Variants in SLC4A5 observed in about 807,000 individuals in gnomAD.
SLC4A5 encodes the protein electrogenic sodium bicarbonate cotransporter 4.
Under a neutral mutation model 120.4 loss-of-function variants are expected in SLC4A5, and 96 were observed. The ratio of observed to expected loss-of-function variants is 0.80; its 90% CI spans 0.68 to 0.94. SLC4A5 has a LOEUF of 0.94. Among genes scored for constraint, SLC4A5 ranks in the 40% least tolerant of loss-of-function variants. The pLI is 0.00. For synonymous variants in SLC4A5, 550 were observed against 571.1 expected (o/e 0.96, Z 0.53); for missense variants, 1,259 against 1,459.5 (o/e 0.86, Z 2.24).
At position 74,265,499 on chromosome 2, in the gene SLC4A5, A is replaced by T. The variant is rs150560471; in HGVS notation, c.402-235T>A. Among the ~76,000 whole-genome samples the T allele has an allele frequency of 2.6e-5, 4 of 152,338 alleles. No homozygotes were observed. In the East Asian group the frequency reaches 7.7e-4, roughly 29 times the overall value. ...AGAGAAGTATACAGGGGCATGAGGG[A>T]TCTTCTGGGAGTGATGGAAATGTTC... On this transcript the variant is annotated intron_variant, in intron 8 of 30. Transcript: ENST00000394019.
At chr2:74,303,018 G>C (rs1307476247) in intron 7 of SLC4A5, among the ~76,000 whole-genome samples, 6 of 103,872 alleles carry the variant, frequency 5.8e-5, no homozygotes, top group Non-Finnish European at 1.1e-4. Context: ...GAGCAGGACT[G>C]TGTGTGTGTG....
chr2:74,292,636 GC>G (rs1672209927), intron 7 of SLC4A5, among the ~76,000 whole-genome samples: 1 of 152,110 alleles, frequency 6.6e-6, no homozygotes, highest in Non-Finnish European at 1.5e-5. Flanking sequence ...GCTTCAGGAG[GC>G]ACACTAAAGC....
intron 24 of SLC4A5, 114 bp from the exon 25 acceptor site, chr2:74,231,422 G>A: frequency 1.1e-6 from 1 of 887,586 alleles, no homozygotes. Flanking sequence ...TGGCCTTGAG[G>A]GCTTCTGCAT....
At chr2:74,309,646 T>C (rs562790525) in intron 6 of SLC4A5, among the ~76,000 whole-genome samples, 1 of 151,820 alleles carries the variant, frequency 6.6e-6, no homozygotes, top group Non-Finnish European at 1.5e-5. Context: ...TTCCTACGCA[T>C]GAACATGAAA....
At chr2:74,257,482 G>A (rs528248180) in intron 12 of SLC4A5, among the ~76,000 whole-genome samples, 1 of 152,288 alleles carries the variant, frequency 6.6e-6, no homozygotes, top group East Asian at 1.9e-4. Flanking sequence ...GTCCAGGGAA[G>A]GGGAGGAGAT....
At chr2:74,335,874 T>C (rs1028302560) in intron 3 of SLC4A5, among the ~76,000 whole-genome samples, 3 of 152,192 alleles carry the variant, frequency 2.0e-5, no homozygotes, top group Non-Finnish European at 4.4e-5. Context: ...GCAAATATGC[T>C]TAAGTTCAGA....
chr2:74,290,602 CAG>C (rs904887057), intron 7 of SLC4A5: 18 of 923,668 alleles, frequency 1.9e-5, no homozygotes, highest in South Asian at 5.2e-5. Flanking sequence ...GAGAGAGAGA[CAG>C]AGAGAGAGAC....
At chr2:74,272,799 C>T (rs978015994) in intron 8 of SLC4A5, among the ~76,000 whole-genome samples, 1 of 152,204 alleles carries the variant, frequency 6.6e-6, no homozygotes, top group African/African-American at 2.4e-5. Context: ...CAATTAATAA[C>T]AAGAGCAGGA....
intron 20 of SLC4A5, 59 bp from the exon 21 acceptor site, chr2:74,239,594 CCTTCCCACTGCA>C (rs1386222413): frequency 3.2e-6 from 5 of 1,553,922 alleles, no homozygotes; most frequent in Non-Finnish European, 3.5e-6. Context: ...TCAGCTGTGT[CCTTCCCACTGCA>C]GTCCCCAGGC....
chr2:74,327,245 C>T (rs1673238120), intron 5 of SLC4A5, among the ~76,000 whole-genome samples: 1 of 152,154 alleles, frequency 6.6e-6, no homozygotes, highest in Non-Finnish European at 1.5e-5. Flanking sequence ...CTTTTCTTTC[C>T]ACCCCATATT....
chr2:74,300,132 T>G (rs1279269154), intron 7 of SLC4A5, among the ~76,000 whole-genome samples: 1 of 152,232 alleles, frequency 6.6e-6, no homozygotes, highest in Non-Finnish European at 1.5e-5. Context: ...TATTGCATGT[T>G]CTCATTTATA....
intron 5 of SLC4A5, among the ~76,000 whole-genome samples, chr2:74,325,347 C>T (rs560282287): frequency 1.3e-5 from 2 of 152,298 alleles, no homozygotes; most frequent in Admixed American, 6.5e-5. Flanking sequence ...TAGATGCATA[C>T]CTTCCAGTTC....
At chr2:74,315,985 C>A (rs1238735151) in intron 5 of SLC4A5, among the ~76,000 whole-genome samples, 1 of 151,916 alleles carries the variant, frequency 6.6e-6, no homozygotes, top group Admixed American at 6.6e-5. Flanking sequence ...AAGTGCTTTG[C>A]ATGTATGATT....
At chr2:74,262,000 T>C (rs746677281) in intron 11 of SLC4A5, 137 bp downstream of exon 11, 6 of 686,906 alleles carry the variant, frequency 8.7e-6, no homozygotes, top group Non-Finnish European at 1.4e-5. Flanking sequence ...GAGTGAAAGT[T>C]AGGCTCCTCC....
At chr2:74,282,386 C>T (rs544198230) in intron 8 of SLC4A5, among the ~76,000 whole-genome samples, 1 of 152,348 alleles carries the variant, frequency 6.6e-6, no homozygotes, top group South Asian at 2.1e-4. Flanking sequence ...GAATTGGGTT[C>T]GACCACTTTA....
At chr2:74,250,723 G>A (rs773284694) in intron 16 of SLC4A5, 2 of 578,258 alleles carry the variant, frequency 3.5e-6, no homozygotes, top group South Asian at 4.2e-5. Context: ...ACATTGGGAA[G>A]GGTGGACATA....
intron 3 of SLC4A5, among the ~76,000 whole-genome samples, chr2:74,336,921 A>G (rs754642596): frequency 2.6e-5 from 4 of 152,186 alleles, no homozygotes; most frequent in Non-Finnish European, 4.4e-5. Flanking sequence ...GAAAACAGAA[A>G]GAAGAGGTAA....
chr2:74,239,566 C>T (rs753032969), intron 20 of SLC4A5, 31 bp from the exon 21 acceptor site: 1 of 1,607,282 alleles, frequency 6.2e-7, no homozygotes, highest in African/African-American at 1.3e-5. Flanking sequence ...GAGAATGGGT[C>T]AGCATCTTCC....
intron 4 of SLC4A5, among the ~76,000 whole-genome samples, chr2:74,332,703 TTGTG>T (rs3834171): frequency 1.6e-4 from 24 of 148,190 alleles, no homozygotes; most frequent in South Asian, 6.4e-4. Context: ...GGGTGTCCAT[TTGTG>T]TGTGTGTGTG....
Sources: gnomAD v4.1 joint callset for allele counts (sites outside exome capture counted in the v4.1 genomes callset) on GRCh38, gnomAD v4.1.1 for gene constraint, MANE v1.5 for transcripts, NCBI Gene and HGNC (gene_info 2026-07-23, HGNC 2026-07-21) for gene names.